Variants in FBLN2 observed in about 807,000 individuals in gnomAD.
The protein encoded by FBLN2 is fibulin-2.
A neutral mutation model predicts 123.7 loss-of-function variants in FBLN2; 81 were observed. The observed-to-expected ratio is 0.65, with a 90% CI of 0.55 to 0.79. The LOEUF (loss-of-function observed/expected upper bound fraction) is 0.79. Among genes scored for constraint, FBLN2 ranks in the 30% least tolerant of loss-of-function variants. The pLI is 0.00. For missense variants in FBLN2, 1,603 were observed against 1,681.3 expected (o/e 0.95, Z 0.81); for synonymous variants, 699 against 701.4 (o/e 1.00, Z 0.05).
intron 1 of FBLN2, among the ~76,000 whole-genome samples, chr3:13,553,214 C>T (rs771875832): frequency 5.3e-5 from 8 of 152,280 alleles, no homozygotes; most frequent in Non-Finnish European, 7.4e-5. Context: ...TCCTGGTCTG[C>T]GAGCGAGCAA....
intron 1 of FBLN2, among the ~76,000 whole-genome samples, chr3:13,565,738 C>T: frequency 6.6e-6 from 1 of 152,230 alleles, no homozygotes; most frequent in East Asian, 1.9e-4. Flanking sequence ...GCCCGGTGGC[C>T]TCCACCTGCC....
In FBLN2 at chr3:13,571,718, C is replaced by T. The variant is rs1035248845; in HGVS notation, c.1306+57C>T. On this transcript the variant is annotated intron_variant, in intron 2 of 17. Coordinates refer to ENST00000404922, the MANE Select transcript of FBLN2 (RefSeq NM_001004019.2). ...TTTGTGTGGGAAGGGCAGCCTTGGG[C>T]TCTGGCCGCTGCCCCAGGTCTCTGC... The T allele has an allele frequency of 1.6e-5, 24 of 1,465,986 alleles. No homozygotes were observed. In the African/African-American group the frequency reaches 2.3e-4, roughly 14 times the overall value. The allele number at this position is 1,465,986 out of a possible 1,614,324, so 90.8% of individuals were successfully genotyped here. A position where few individuals can be genotyped will look rare whatever the true frequency, so the allele number is the denominator to read the frequency against.
In FBLN2 at chr3:13,570,830, G is replaced by A. The variant is rs1226704070; in HGVS notation, c.475G>A (p.Ala159Thr). The change falls in exon 2 of 18, where the codon GCC becomes ACC. Residue 159 changes from alanine (A) to threonine (T), a missense_variant. Coordinates refer to ENST00000404922, the MANE Select transcript of FBLN2 (RefSeq NM_001004019.2). ...GHTVHLPPCR[A>T]CHCPDAGGEL... Reference sequence around the variant, plus strand: ...CACTGTTCACCTGCCGCCCTGCCGGGCCTGCCACTGCCCTGACGCCGGTGG... The same window carrying A: ...CACTGTTCACCTGCCGCCCTGCCGGACCTGCCACTGCCCTGACGCCGGTGG... 4 of 1,602,484 alleles carry A rather than the reference G, an allele frequency of 2.5e-6. No homozygotes were observed. In the East Asian group the frequency reaches 9.1e-5, roughly 36 times the overall value.
At chr3:13,593,713 CA>C (rs59546141) in intron 2 of FBLN2, among the ~76,000 whole-genome samples, 5,175 of 81,124 alleles carry the variant, frequency 0.064, 404 homozygotes, top group African/African-American at 0.2. Flanking sequence ...GACTCTATCT[CA>C]AAAAAAAAAA....
At chr3:13,592,321 C>T (rs919021405) in intron 2 of FBLN2, among the ~76,000 whole-genome samples, 32 of 151,962 alleles carry the variant, frequency 2.1e-4, no homozygotes, top group Admixed American at 1.5e-3. Flanking sequence ...CCACCACACC[C>T]GGCCAATGTT....
chr3:13,553,358 G>C (rs957304221), intron 1 of FBLN2, among the ~76,000 whole-genome samples: 2 of 152,166 alleles, frequency 1.3e-5, no homozygotes, highest in African/African-American at 4.8e-5. Context: ...GAGAGTGACA[G>C]GGCCGGGAAA....
intron 2 of FBLN2, among the ~76,000 whole-genome samples, chr3:13,581,947 A>G (rs1240178480): frequency 6.6e-6 from 1 of 152,086 alleles, no homozygotes; most frequent in Admixed American, 6.5e-5. Flanking sequence ...AGGGCTCCCC[A>G]GGTTAGAGGC....
intron 6 of FBLN2, among the ~76,000 whole-genome samples, chr3:13,618,492 C>A (rs771141875): frequency 6.6e-6 from 1 of 152,228 alleles, no homozygotes; most frequent in Admixed American, 6.5e-5. Flanking sequence ...TCTGCAGGGA[C>A]CTGGCCCCAG....
intron 4 of FBLN2, chr3:13,613,762 A>T (rs1203229185): frequency 2.1e-6 from 1 of 478,954 alleles, no homozygotes; most frequent in African/African-American, 2.0e-5. Flanking sequence ...TCCTTCAACT[A>T]AAGGCCATTT....
intron 2 of FBLN2, among the ~76,000 whole-genome samples, chr3:13,572,740 G>A (rs1171996152): frequency 6.6e-5 from 10 of 152,330 alleles, no homozygotes; most frequent in East Asian, 1.9e-4. Flanking sequence ...GGAATGGTCC[G>A]CTGAGCCTAC....
At chr3:13,586,495 GTT>G (rs1245229846) in intron 2 of FBLN2, among the ~76,000 whole-genome samples, 18 of 117,692 alleles carry the variant, frequency 1.5e-4, no homozygotes, top group Non-Finnish European at 1.4e-4. Context: ...TGTCTTAGTT[GTT>G]TTTTTTTTTT....
chr3:13,584,307 G>A (rs959560702), intron 2 of FBLN2, among the ~76,000 whole-genome samples: 12 of 152,200 alleles, frequency 7.9e-5, no homozygotes, highest in African/African-American at 2.4e-4. Context: ...ACACCACTAG[G>A]ATGACACAGA....
At chr3:13,608,729 T>G (rs182116028) in intron 3 of FBLN2, among the ~76,000 whole-genome samples, 3 of 152,136 alleles carry the variant, frequency 2.0e-5, no homozygotes, top group Non-Finnish European at 4.4e-5. Context: ...TGCTTTGTTT[T>G]TTTCCAGGGA....
chr3:13,634,359 C>T (rs1271906329), intron 16 of FBLN2, among the ~76,000 whole-genome samples: 3 of 152,238 alleles, frequency 2.0e-5, no homozygotes, highest in Non-Finnish European at 4.4e-5. Context: ...GGCCCTGGGG[C>T]GTTAGGGAAG....
intron 1 of FBLN2, among the ~76,000 whole-genome samples, chr3:13,564,500 AGATAAGT>A (rs1703688654): frequency 6.6e-6 from 1 of 152,264 alleles, no homozygotes; most frequent in South Asian, 2.1e-4. Context: ...TTGGAATTTC[AGATAAGT>A]GACAGATGTG....
intron 11 of FBLN2, among the ~76,000 whole-genome samples, chr3:13,628,276 G>C (rs1163659014): frequency 2.6e-5 from 4 of 152,012 alleles, no homozygotes; most frequent in Non-Finnish European, 5.9e-5. Context: ...TTTTTAACCA[G>C]TCAGCAGTGG....
At chr3:13,594,238 G>A (rs1704770622) in intron 2 of FBLN2, among the ~76,000 whole-genome samples, 1 of 152,188 alleles carries the variant, frequency 6.6e-6, no homozygotes. Context: ...GCTGCTTGTT[G>A]AAACATGGGC....
chr3:13,557,781 C>A (rs1406277778), intron 1 of FBLN2, among the ~76,000 whole-genome samples: 1 of 152,244 alleles, frequency 6.6e-6, no homozygotes, highest in Non-Finnish European at 1.5e-5. Flanking sequence ...AGAAAGGCTG[C>A]AGTGATTAGA....
intron 2 of FBLN2, among the ~76,000 whole-genome samples, chr3:13,573,527 C>T (rs545151042): frequency 6.6e-6 from 1 of 152,282 alleles, no homozygotes; most frequent in South Asian, 2.1e-4. Context: ...TCCCCAAGGT[C>T]AGGGTCTCTG....
Sources: allele counts gnomAD v4.1 joint callset (sites outside exome capture counted in the v4.1 genomes callset), GRCh38; gene constraint gnomAD v4.1.1; transcripts MANE v1.5; gene names NCBI Gene and HGNC (gene_info 2026-07-23, HGNC 2026-07-21).